The following CUL5 variants were observed in gnomAD, a reference collection of about 807,000 sequenced individuals.
The protein encoded by CUL5 is cullin 5.
CUL5 carries 26 observed loss-of-function variants against 108.8 expected under a neutral mutation model. The ratio of observed to expected loss-of-function variants is 0.24; its 90% CI spans 0.18 to 0.33. CUL5 has a LOEUF of 0.33. Ranked by LOEUF, CUL5 falls within the 10% of genes least tolerant of loss-of-function variation. The pLI is 1.00. For missense variants in CUL5, 524 were observed against 909.2 expected (o/e 0.58, Z 5.45); for synonymous variants, 334 against 298.0 (o/e 1.12, Z -1.25).
In CUL5 at chr11:108,088,625, C is replaced by A. The variant is rs776702711; in HGVS notation, c.1277C>A (p.Thr426Asn). ...AAAACACCATTAAGCAAAAAACTAA[C>A]CTCTGAAGAGATTGAAGCAAAGCTT... is the stretch of plus-strand genomic sequence containing the variant. The part of the protein sequence containing the change: ...LRKTPLSKKL[T>N]SEEIEAKLKE... The change falls in exon 12 of 19, where the codon ACC becomes AAC. Residue 426 changes from threonine to asparagine, a missense_variant. This residue lies in a region of CUL5 where 76 missense variants were observed against 168.3 expected (regional missense o/e 0.45). Transcript: ENST00000393094. 1 of 1,603,262 alleles carries A rather than the reference C, an allele frequency of 6.2e-7. No individual in the cohort carries two copies. The highest frequency in any genetic ancestry group is 1.1e-5 in the South Asian group (1 of 88,070).
In CUL5 at chr11:108,049,960, C is replaced by T; in HGVS notation, c.305C>T (p.Thr102Ile). The T allele has an allele frequency of 1.2e-6, 2 of 1,613,422 alleles. No homozygotes were observed. The highest frequency in any genetic ancestry group is 1.7e-6 in the Non-Finnish European group (2 of 1,179,534). The change falls in exon 4 of 19, where the codon ACA (threonine) becomes ATA (isoleucine). Residue 102 changes from threonine to isoleucine, a missense_variant. This residue lies in a region of CUL5 where 170 missense variants were observed against 305.1 expected (regional missense o/e 0.56). Coordinates refer to ENST00000393094, the MANE Select transcript of CUL5 (RefSeq NM_003478.6). ...ATTGTTGAATGGCGAAAGTTCTTTA[C>T]ACAATGTGATATTTTACCAAAACCT... is the stretch of plus-strand genomic sequence containing the variant. ...AYIVEWRKFF[T>I]QCDILPKPFC...
At chr11:108,089,916 G>C (rs1034816654) in intron 13 of CUL5, among the ~76,000 whole-genome samples, 1 of 151,902 alleles carries the variant, frequency 6.6e-6, no homozygotes, top group Non-Finnish European at 1.5e-5. Flanking sequence ...GGTGCACTCC[G>C]GTAATTCCAG....
At chr11:108,097,393 G>T (rs906091634) in intron 16 of CUL5, among the ~76,000 whole-genome samples, 37 of 152,166 alleles carry the variant, frequency 2.4e-4, no homozygotes, top group African/African-American at 8.7e-4. Flanking sequence ...CTATGGTCCT[G>T]TGTGACCAAT....
chr11:108,052,524 AT>A, intron 4 of CUL5, 135 bp from the exon 5 acceptor site: 1 of 701,660 alleles, frequency 1.4e-6, no homozygotes, highest in East Asian at 2.9e-5. Context: ...GGCCTCCCAA[AT>A]TGTTGGGACT....
rs1166448147 is a variant in CUL5 at position 108,104,957 on chromosome 11, TAAC to T, written c.*574_*576del. ...ATTGTTCAAACATTGCTCAGTATAA[TAAC>T]TGGATTTTAATGGTGACCTAAAAAT... is the stretch of plus-strand genomic sequence containing the variant. On this transcript the variant is annotated 3_prime_UTR_variant, in exon 19 of 19. Transcript: ENST00000393094. 6.6e-6 allele frequency: 1 copy of T among 152,618 alleles called. No individual in the cohort carries two copies. The highest frequency in any genetic ancestry group is 1.5e-5 in the Non-Finnish European group (1 of 68,020). The allele number at this position is 152,618 out of a possible 1,614,324, so 9.5% of individuals were successfully genotyped here.
At chr11:108,036,464 C>A (rs1027777135) in intron 2 of CUL5, among the ~76,000 whole-genome samples, 2 of 152,016 alleles carry the variant, frequency 1.3e-5, no homozygotes, top group East Asian at 3.8e-4. Context: ...CTTTCAACCC[C>A]CCACTTTACT....
chr11:108,073,158 T>C lies in CUL5; in HGVS notation c.1006-232T>C, dbSNP rs1440317321. 2.7e-5 allele frequency among the ~76,000 whole-genome samples: 4 copies of C among 148,820 alleles called. No individual in the cohort carries two copies. The East Asian group carries it at 7.9e-4, about 29-fold the overall frequency. On this transcript the variant is annotated intron_variant, in intron 9 of 18. Transcript: ENST00000393094. ...TGGAGCTTGCAGTGAGCCGAGAAGG[T>C]GCCACTGCACTCCAGCCTGGGCGAC... is the stretch of plus-strand genomic sequence containing the variant.
At chr11:108,096,564 CTTTTTT>C (rs71047671) in intron 16 of CUL5, among the ~76,000 whole-genome samples, 740 of 45,898 alleles carry the variant, frequency 0.016, 5 homozygotes, top group Non-Finnish European at 0.021. Flanking sequence ...CAGCTATGTA[CTTTTTT>C]TTTTTTTTTT....
intron 13 of CUL5, among the ~76,000 whole-genome samples, chr11:108,091,731 A>ACACACACACACG (rs1214712926): frequency 6.6e-6 from 1 of 151,270 alleles, no homozygotes; most frequent in African/African-American, 2.4e-5. Flanking sequence ...ACACACACAC[A>ACACACACACACG]CGACAAATAA....
intron 7 of CUL5, among the ~76,000 whole-genome samples, chr11:108,060,200 A>G (rs1168099760): frequency 6.6e-6 from 1 of 152,168 alleles, no homozygotes; most frequent in Non-Finnish European, 1.5e-5. Flanking sequence ...ATTAAAAAAA[A>G]AAATTAAGCT....
At chr11:108,044,512 A>G (rs971851453) in intron 2 of CUL5, among the ~76,000 whole-genome samples, 1 of 152,064 alleles carries the variant, frequency 6.6e-6, no homozygotes, top group African/African-American at 2.4e-5. Context: ...TGTCTCAAAA[A>G]AAAAAAAATT....
intron 15 of CUL5, among the ~76,000 whole-genome samples, 181 bp downstream of exon 15, chr11:108,095,168 TA>T (rs1182996464): frequency 6.6e-6 from 1 of 152,218 alleles, no homozygotes; most frequent in Non-Finnish European, 1.5e-5. Context: ...CCATCATACT[TA>T]AGATACTGCC....
chr11:108,086,751 G>A (rs566766101), intron 11 of CUL5, among the ~76,000 whole-genome samples: 1 of 152,228 alleles, frequency 6.6e-6, no homozygotes, highest in African/African-American at 2.4e-5. Context: ...TTCCCAGTTT[G>A]CAAAGAAAGG....
At chr11:108,055,495 AG>A (rs1411997190) in intron 7 of CUL5, among the ~76,000 whole-genome samples, 8 of 152,106 alleles carry the variant, frequency 5.3e-5, no homozygotes, top group Admixed American at 2.0e-4. Context: ...TCTGTTGCCT[AG>A]GGTGGAGTGC....
chr11:108,072,513 A>C (rs1263503025), intron 9 of CUL5, 51 bp downstream of exon 9: 1 of 1,499,086 alleles, frequency 6.7e-7, no homozygotes. Context: ...GCTATTTTTT[A>C]AATGTAGGAT....
intron 18 of CUL5, among the ~76,000 whole-genome samples, chr11:108,101,590 C>T (rs1864669579): frequency 6.6e-6 from 1 of 152,286 alleles, no homozygotes; most frequent in African/African-American, 2.4e-5. Context: ...GATCACCTTG[C>T]CCTGTCATTA....
chr11:108,031,746 C>T (rs977979571), intron 1 of CUL5, among the ~76,000 whole-genome samples: 1 of 152,152 alleles, frequency 6.6e-6, no homozygotes, highest in African/African-American at 2.4e-5. Flanking sequence ...ACTGTTCACT[C>T]TAACAAAGAC....
chr11:108,020,524 A>C (rs1014503258), intron 1 of CUL5, among the ~76,000 whole-genome samples: 1 of 145,270 alleles, frequency 6.9e-6, no homozygotes, highest in Non-Finnish European at 1.5e-5. Flanking sequence ...GTGCAGCTGA[A>C]TGTGTTTGTG....
chr11:108,085,414 G>A (rs1864194815), intron 11 of CUL5, among the ~76,000 whole-genome samples: 1 of 152,116 alleles, frequency 6.6e-6, no homozygotes, highest in African/African-American at 2.4e-5. Flanking sequence ...AAAGTTACCA[G>A]GGGATGGGGA....
Sources: allele counts gnomAD v4.1 joint callset (sites outside exome capture counted in the v4.1 genomes callset), GRCh38; gene constraint gnomAD v4.1.1; regional missense constraint gnomAD v4.1.1; transcripts MANE v1.5; gene names NCBI Gene and HGNC (gene_info 2026-07-23, HGNC 2026-07-21).